Variants in FAF1 observed in about 807,000 individuals in gnomAD.
The protein encoded by FAF1 is Fas associated factor 1.
In FAF1, 25 loss-of-function variants were observed where a neutral mutation model predicts 92.5. That is an observed-to-expected ratio of 0.27 (90% CI 0.20 to 0.38). The LOEUF (loss-of-function observed/expected upper bound fraction) is 0.38, where lower values mean the gene tolerates loss of function less well. Among genes scored for constraint, FAF1 ranks in the 10% least tolerant of loss-of-function variants. The pLI, the probability that FAF1 is intolerant of heterozygous loss-of-function variation, is 1.00. For synonymous variants in FAF1, 234 were observed against 273.2 expected (o/e 0.86, Z 1.42); for missense variants, 636 against 793.3 (o/e 0.80, Z 2.38).
At chr1:50,705,555 G>A (rs576648085) in intron 7 of FAF1, among the ~76,000 whole-genome samples, 4 of 152,204 alleles carry the variant, frequency 2.6e-5, no homozygotes, top group South Asian at 2.1e-4. Flanking sequence ...TTTAAGCAGC[G>A]TTTCAAGTTG....
At chr1:50,639,209 T>G (rs1215256047) in intron 8 of FAF1, among the ~76,000 whole-genome samples, 1 of 152,202 alleles carries the variant, frequency 6.6e-6, no homozygotes, top group Non-Finnish European at 1.5e-5. Context: ...TGACGGACAT[T>G]TGGGTTGCAT....
At chr1:50,835,856 A>G (rs1644196465) in intron 2 of FAF1, among the ~76,000 whole-genome samples, 1 of 152,124 alleles carries the variant, frequency 6.6e-6, no homozygotes, top group Non-Finnish European at 1.5e-5. Context: ...GGGTAGATCA[A>G]GGCACCATTA....
At position 50,960,265 on chromosome 1, in the gene FAF1, G is replaced by C. The variant is rs1645307915; in HGVS notation, c.-454C>G. ...TCCCTGGCCGCCGCCTCCGCCCCTG[G>C]TTGGCCAGCGCCACGGCTGTCGCAC... On this transcript the variant is annotated 5_prime_UTR_variant, in exon 1 of 19. Transcript: ENST00000396153. 5 of 329,004 alleles carry C rather than the reference G, an allele frequency of 1.5e-5. No individual in the cohort carries two copies. Among genetic ancestry groups the C allele is most frequent in the Non-Finnish European group, 2.2e-5 (4 of 180,580 alleles). The allele number at this position is 329,004 out of a possible 1,614,324, so 20.4% of individuals were successfully genotyped here.
At chr1:50,505,736 A>G (rs72898971) in intron 15 of FAF1, among the ~76,000 whole-genome samples, 10,247 of 152,282 alleles carry the variant, frequency 0.067, 424 homozygotes, top group East Asian at 0.094. Context: ...CAGAAAGTAT[A>G]TGGTCCCCAA....
At chr1:50,755,096 C>A (rs1431808147) in intron 4 of FAF1, among the ~76,000 whole-genome samples, 2 of 152,106 alleles carry the variant, frequency 1.3e-5, no homozygotes, top group Non-Finnish European at 2.9e-5. Flanking sequence ...TCATGCCTTC[C>A]CAACAGTCCC....
At chr1:50,900,353 T>C (rs77914551) in intron 1 of FAF1, among the ~76,000 whole-genome samples, 35,288 of 152,192 alleles carry the variant, frequency 0.23, 4,521 homozygotes, top group Middle Eastern at 0.43. Context: ...TTCTCTTCAA[T>C]TATTCTAATC....
At chr1:50,473,258 GC>G (rs1646598943) in intron 18 of FAF1, among the ~76,000 whole-genome samples, 1 of 152,072 alleles carries the variant, frequency 6.6e-6, no homozygotes, top group Non-Finnish European at 1.5e-5. Flanking sequence ...TGATCAAAAA[GC>G]CTAGCTCCTT....
At chr1:50,549,537 T>A (rs1649198098) in intron 13 of FAF1, among the ~76,000 whole-genome samples, 1 of 152,048 alleles carries the variant, frequency 6.6e-6, no homozygotes. Context: ...CCCAGCACTT[T>A]GGGAGGCTGA....
Position 50,901,767 on chromosome 1 carries a change from A to G in FAF1, c.46-43770T>C, listed in dbSNP as rs1050611156. Among the ~76,000 whole-genome samples, 4 of 152,084 alleles carry G rather than the reference A, an allele frequency of 2.6e-5. No individual in the cohort carries two copies. The East Asian group carries it at 7.7e-4, about 29-fold the overall frequency. Reference sequence around the variant, plus strand: ...GAGGTCCCAGCTACTAGGGAAGGTGAGGCTGGAGAATCACTTGAACCCAGG... The same window carrying G: ...GAGGTCCCAGCTACTAGGGAAGGTGGGGCTGGAGAATCACTTGAACCCAGG... On this transcript the variant is annotated intron_variant, in intron 1 of 18. Coordinates refer to ENST00000396153, the MANE Select transcript of FAF1 (RefSeq NM_007051.3).
intron 2 of FAF1, among the ~76,000 whole-genome samples, chr1:50,840,463 A>G (rs1364611535): frequency 1.3e-5 from 2 of 151,994 alleles, no homozygotes; most frequent in Non-Finnish European, 2.9e-5. Flanking sequence ...TCACCAAAGG[A>G]AAAAAATAGA....
At chr1:50,456,238 C>T (rs1180477055) in intron 18 of FAF1, among the ~76,000 whole-genome samples, 4 of 152,124 alleles carry the variant, frequency 2.6e-5, no homozygotes, top group Admixed American at 6.6e-5. Flanking sequence ...GACTACACTG[C>T]AGGCTTGTGC....
chr1:50,748,424 G>A (rs1412679750), intron 4 of FAF1, among the ~76,000 whole-genome samples: 1 of 151,978 alleles, frequency 6.6e-6, no homozygotes, highest in Non-Finnish European at 1.5e-5. Context: ...TTGAACCTGG[G>A]AGGCGGAGGC....
At chr1:50,720,520 G>A (rs558205109) in intron 6 of FAF1, among the ~76,000 whole-genome samples, 3 of 152,140 alleles carry the variant, frequency 2.0e-5, no homozygotes, top group South Asian at 4.2e-4. Flanking sequence ...AAATATTGAC[G>A]GAGTTCAGGA....
intron 1 of FAF1, among the ~76,000 whole-genome samples, chr1:50,953,960 T>A (rs1468848446): frequency 6.6e-6 from 1 of 152,062 alleles, no homozygotes; most frequent in Non-Finnish European, 1.5e-5. Context: ...ATTTTTTTTT[T>A]TTATTTGAGA....
At chr1:50,854,255 G>A (rs1644374124) in intron 2 of FAF1, among the ~76,000 whole-genome samples, 1 of 152,006 alleles carries the variant, frequency 6.6e-6, no homozygotes, top group Middle Eastern at 3.2e-3. Context: ...AATTTATAAT[G>A]TTCATGTAGC....
intron 15 of FAF1, among the ~76,000 whole-genome samples, chr1:50,495,421 G>A (rs1398076804): frequency 6.6e-6 from 1 of 152,186 alleles, no homozygotes; most frequent in Non-Finnish European, 1.5e-5. Context: ...TTCCATCCAT[G>A]TTGTTGCAAA....
chr1:50,857,086 A>G lies in FAF1; in HGVS notation c.114+843T>C, dbSNP rs540852317. Among the ~76,000 whole-genome samples the G allele has an allele frequency of 3.3e-5, 5 of 151,932 alleles. No individual in the cohort carries two copies. The South Asian group carries it at 1.0e-3, about 31-fold the overall frequency. On this transcript the variant is annotated intron_variant, in intron 2 of 18. Coordinates refer to ENST00000396153, the MANE Select transcript of FAF1 (RefSeq NM_007051.3). The stretch of plus-strand genomic sequence containing the variant: ...CTTTGTAAATTTTTCATCTCATTTC[A>G]TTACATTAAGCATCATTACTTTTAA...
Position 50,546,320 on chromosome 1 carries a change from C to T in FAF1, c.1269-6592G>A, listed in dbSNP as rs546080685. Among the ~76,000 whole-genome samples the T allele has an allele frequency of 2.0e-5, 3 of 151,992 alleles. No individual in the cohort carries two copies. In the South Asian group the frequency reaches 6.2e-4, roughly 32 times the overall value. On this transcript the variant is annotated intron_variant, in intron 13 of 18. Coordinates refer to ENST00000396153, the MANE Select transcript of FAF1 (RefSeq NM_007051.3). ...AAGGAAGGTATTAAATTGTGTTTAC[C>T]ATTTGTGTAAAACTGGGGAAAAATA...
At chr1:50,484,043 C>T (rs1449310947) in intron 17 of FAF1, among the ~76,000 whole-genome samples, 1 of 152,082 alleles carries the variant, frequency 6.6e-6, no homozygotes, top group African/African-American at 2.4e-5. Flanking sequence ...AAATATAAAT[C>T]TGGGAGTCAA....
Sources: gnomAD v4.1 joint callset for allele counts (sites outside exome capture counted in the v4.1 genomes callset) on GRCh38, gnomAD v4.1.1 for gene constraint, MANE v1.5 for transcripts, NCBI Gene and HGNC (gene_info 2026-07-23, HGNC 2026-07-21) for gene names.